Variants in PCDH15 observed in about 807,000 individuals in gnomAD.
PCDH15 encodes the protein protocadherin-15.
PCDH15 carries 129 observed loss-of-function variants against 178.5 expected under a neutral mutation model. The observed-to-expected ratio is 0.72, with a 90% CI of 0.63 to 0.84. The LOEUF is 0.84. Among genes scored for constraint, PCDH15 ranks in the 40% least tolerant of loss-of-function variants. PCDH15 has a pLI of 0.00. For missense variants in PCDH15, 2,230 were observed against 2,099.9 expected (o/e 1.06, Z -1.21); for synonymous variants, 800 against 732.0 (o/e 1.09, Z -1.50).
At chr10:55,038,930 G>A (rs895321695) in intron 2 of PCDH15, among the ~76,000 whole-genome samples, 1 of 152,048 alleles carries the variant, frequency 6.6e-6, no homozygotes. Flanking sequence ...AGTTTATTCC[G>A]CTTTGTCCAC....
intron 8 of PCDH15, among the ~76,000 whole-genome samples, chr10:54,240,510 T>C (rs903360159): frequency 2.0e-5 from 3 of 151,878 alleles, no homozygotes; most frequent in Admixed American, 6.6e-5. Flanking sequence ...TCTCTGACTT[T>C]AAACCTAGAG....
chr10:53,893,575 G>C (rs1564704936), intron 26 of PCDH15, among the ~76,000 whole-genome samples: 1 of 152,140 alleles, frequency 6.6e-6, no homozygotes, highest in Non-Finnish European at 1.5e-5. Context: ...AGTGGATAAA[G>C]AAAATGTGGT....
chr10:54,503,921 C>A (rs1202606437), intron 3 of PCDH15, among the ~76,000 whole-genome samples: 2 of 152,004 alleles, frequency 1.3e-5, no homozygotes, highest in Non-Finnish European at 2.9e-5. Flanking sequence ...TCCCCTGATG[C>A]CTGAGGCCAA....
At chr10:55,286,897 C>G (rs1842885369) in intron 1 of PCDH15, among the ~76,000 whole-genome samples, 2 of 151,900 alleles carry the variant, frequency 1.3e-5, no homozygotes, top group East Asian at 1.9e-4. Flanking sequence ...AATGGACTTA[C>G]TATTTTAGGA....
intron 3 of PCDH15, among the ~76,000 whole-genome samples, chr10:54,512,201 G>T (rs992186299): frequency 6.6e-6 from 1 of 151,954 alleles, no homozygotes; most frequent in Non-Finnish European, 1.5e-5. Flanking sequence ...ATTTAATATG[G>T]ATTACTGAAA....
chr10:54,221,893 C>G (rs1404538424), intron 9 of PCDH15, among the ~76,000 whole-genome samples: 6 of 152,184 alleles, frequency 3.9e-5, no homozygotes. Context: ...ATGAGCCACC[C>G]TGCCTGGCCT....
intron 28 of PCDH15, among the ~76,000 whole-genome samples, chr10:53,855,990 A>C (rs2078716015): frequency 6.7e-6 from 1 of 149,406 alleles, no homozygotes. Flanking sequence ...ATTTGCCATT[A>C]TTGGAGACCA....
intron 3 of PCDH15, among the ~76,000 whole-genome samples, chr10:54,854,947 G>A (rs1489006250): frequency 6.6e-6 from 1 of 152,216 alleles, no homozygotes; most frequent in Admixed American, 6.5e-5. Flanking sequence ...CTATGCTGTA[G>A]ATGCCAAGGG....
intron 3 of PCDH15, among the ~76,000 whole-genome samples, chr10:54,468,342 T>C (rs1183453511): frequency 6.6e-6 from 1 of 151,980 alleles, no homozygotes; most frequent in African/African-American, 2.4e-5. Flanking sequence ...AATACCATAG[T>C]TTTTGGTATG....
At chr10:54,409,047 A>G (rs1316640366) in intron 3 of PCDH15, among the ~76,000 whole-genome samples, 1 of 152,200 alleles carries the variant, frequency 6.6e-6, no homozygotes, top group Non-Finnish European at 1.5e-5. Flanking sequence ...ATGGTAGTGA[A>G]TAAGTCTCAT....
At chr10:55,393,933 T>C (rs560760259) in intron 2 of PCDH15, among the ~76,000 whole-genome samples, 4 of 152,290 alleles carry the variant, frequency 2.6e-5, no homozygotes, top group Middle Eastern at 3.4e-3. Flanking sequence ...ATGTTACATA[T>C]ATGTTTTCCC....
intron 1 of PCDH15, among the ~76,000 whole-genome samples, chr10:55,298,552 C>T (rs1355223187): frequency 6.6e-6 from 1 of 151,922 alleles, no homozygotes; most frequent in African/African-American, 2.4e-5. Context: ...TACTTGAATA[C>T]CTTATAGAAT....
chr10:53,821,637 T>G, intron 32 of PCDH15: 1 of 1,300,214 alleles, frequency 7.7e-7, no homozygotes, highest in South Asian at 1.9e-5. Flanking sequence ...TAGAACAAAT[T>G]ATGCTACTTT....
intron 2 of PCDH15, among the ~76,000 whole-genome samples, chr10:54,662,570 T>A (rs2094507873): frequency 6.6e-6 from 1 of 151,932 alleles, no homozygotes; most frequent in Non-Finnish European, 1.5e-5. Flanking sequence ...GCAATGCAAA[T>A]ATATTTATAA....
intron 15 of PCDH15, among the ~76,000 whole-genome samples, chr10:54,125,636 G>T (rs1053743968): frequency 6.6e-6 from 1 of 152,100 alleles, no homozygotes; most frequent in Admixed American, 6.5e-5. Flanking sequence ...GGGTAGAACA[G>T]CTTGCATTCT....
intron 37 of PCDH15, among the ~76,000 whole-genome samples, chr10:53,810,180 A>C (rs539280906): frequency 6.6e-6 from 1 of 152,098 alleles, no homozygotes; most frequent in Non-Finnish European, 1.5e-5. Flanking sequence ...AAAGGTGGAG[A>C]CTATATTTTT....
At chr10:55,085,697 T>A (rs77307918) in intron 2 of PCDH15, among the ~76,000 whole-genome samples, 1 of 151,804 alleles carries the variant, frequency 6.6e-6, no homozygotes. Flanking sequence ...TCCTATGAGA[T>A]TTTCATATAT....
intron 2 of PCDH15, chr10:54,897,563 A>G (rs1954566069): frequency 6.6e-6 from 1 of 152,224 alleles, no homozygotes. Context: ...AACAACAATT[A>G]TGTATTATTT....
chr10:55,522,317 G>A (rs1841195701), intron 2 of PCDH15, among the ~76,000 whole-genome samples: 1 of 151,566 alleles, frequency 6.6e-6, no homozygotes, highest in Non-Finnish European at 1.5e-5. Flanking sequence ...ATTTTTATTT[G>A]TTCTATAGAT....
Sources: allele counts gnomAD v4.1 joint callset (sites outside exome capture counted in the v4.1 genomes callset), GRCh38; gene constraint gnomAD v4.1.1; transcripts MANE v1.5; gene names NCBI Gene and HGNC (gene_info 2026-07-23, HGNC 2026-07-21).